Variants in ADAMTS3 observed in about 807,000 individuals in gnomAD.
The protein encoded by ADAMTS3 is A disintegrin and metalloproteinase with thrombospondin motifs 3.
Under a neutral mutation model 129.0 loss-of-function variants are expected in ADAMTS3, and 73 were observed. That is an observed-to-expected ratio of 0.57 (90% CI 0.47 to 0.69). ADAMTS3 has a LOEUF of 0.69. Ranked by LOEUF, ADAMTS3 falls within the 30% of genes least tolerant of loss-of-function variation. The pLI, the probability that ADAMTS3 is intolerant of heterozygous loss-of-function variation, is 0.00. For synonymous variants in ADAMTS3, 477 were observed against 510.8 expected (o/e 0.93, Z 0.89); for missense variants, 1,457 against 1,514.5 (o/e 0.96, Z 0.63).
intron 3 of ADAMTS3, among the ~76,000 whole-genome samples, chr4:72,522,073 G>T (rs1349902290): frequency 6.6e-6 from 1 of 152,114 alleles, no homozygotes; most frequent in African/African-American, 2.4e-5. Flanking sequence ...AACCTTAATT[G>T]AGTTGGCAGG....
At chr4:72,424,494 C>T (rs543409995) in intron 3 of ADAMTS3, among the ~76,000 whole-genome samples, 43 of 152,200 alleles carry the variant, frequency 2.8e-4, no homozygotes, top group African/African-American at 1.0e-3. Context: ...CCAAATCCTG[C>T]TTCCATTAAG....
intron 5 of ADAMTS3, among the ~76,000 whole-genome samples, chr4:72,329,920 T>G (rs1481341912): frequency 1.3e-5 from 2 of 152,202 alleles, no homozygotes; most frequent in East Asian, 1.9e-4. Context: ...TTGTTTGTTT[T>G]TTGACTGTTC....
At chr4:72,489,922 A>AT (rs1469537056) in intron 3 of ADAMTS3, among the ~76,000 whole-genome samples, 1 of 151,792 alleles carries the variant, frequency 6.6e-6, no homozygotes, top group Non-Finnish European at 1.5e-5. Flanking sequence ...TTTATTTTTA[A>AT]TTTTTTGAGG....
chr4:72,309,358 C>T, intron 15 of ADAMTS3, 39 bp downstream of exon 15: 1 of 1,600,938 alleles, frequency 6.2e-7, no homozygotes, highest in Non-Finnish European at 8.5e-7. Context: ...GTACAAATCA[C>T]AGAGAAGAAT....
At chr4:72,484,760 C>T (rs1719534182) in intron 3 of ADAMTS3, among the ~76,000 whole-genome samples, 1 of 152,082 alleles carries the variant, frequency 6.6e-6, no homozygotes, top group Non-Finnish European at 1.5e-5. Context: ...AGCATATAGC[C>T]TACCTTAAAG....
Position 72,496,669 on chromosome 4 carries a change from C to T in ADAMTS3, c.504+51809G>A, listed in dbSNP as rs1245467373. ...ATACTGTCCCTATTCATTTTAATTC[C>T]ATTGAAATATCTAGGAGGGAAGATA... On this transcript the variant is annotated intron_variant, in intron 3 of 21. Transcript: ENST00000286657. Among the ~76,000 whole-genome samples, 3 of 151,974 alleles carry T rather than the reference C, an allele frequency of 2.0e-5. No homozygotes were observed. The East Asian group carries it at 5.8e-4, about 29-fold the overall frequency.
intron 5 of ADAMTS3, among the ~76,000 whole-genome samples, chr4:72,330,186 T>G (rs553437484): frequency 4.0e-4 from 61 of 152,120 alleles, no homozygotes; most frequent in Non-Finnish European, 7.4e-4. Flanking sequence ...ACCTGGCTAA[T>G]TTTTGTATTT....
At chr4:72,364,859 G>C (rs1720829636) in intron 4 of ADAMTS3, among the ~76,000 whole-genome samples, 1 of 151,608 alleles carries the variant, frequency 6.6e-6, no homozygotes, top group Non-Finnish European at 1.5e-5. Flanking sequence ...AAAGTGCTGG[G>C]ATAACAGGTG....
At chr4:72,557,844 A>T (rs775934180) in intron 2 of ADAMTS3, among the ~76,000 whole-genome samples, 1 of 151,810 alleles carries the variant, frequency 6.6e-6, no homozygotes, top group Non-Finnish European at 1.5e-5. Flanking sequence ...TCAATAACAA[A>T]ATAAGTAAAA....
At chr4:72,404,720 T>G (rs376533992) in intron 4 of ADAMTS3, among the ~76,000 whole-genome samples, 1 of 151,816 alleles carries the variant, frequency 6.6e-6, no homozygotes. Flanking sequence ...AGGAAACCTA[T>G]AGAATGGGAG....
intron 3 of ADAMTS3, among the ~76,000 whole-genome samples, chr4:72,528,301 C>A (rs1351998726): frequency 6.6e-6 from 1 of 151,424 alleles, no homozygotes; most frequent in Non-Finnish European, 1.5e-5. Flanking sequence ...TATATATCTA[C>A]TATTAGGTTG....
intron 3 of ADAMTS3, among the ~76,000 whole-genome samples, chr4:72,445,663 G>A (rs541089522): frequency 5.8e-4 from 88 of 151,794 alleles, no homozygotes; most frequent in African/African-American, 1.9e-3. Flanking sequence ...ATAGGGTGGA[G>A]GAGCTTCACT....
intron 5 of ADAMTS3, among the ~76,000 whole-genome samples, chr4:72,326,831 G>T (rs2109815867): frequency 6.6e-6 from 1 of 152,196 alleles, no homozygotes; most frequent in African/African-American, 2.4e-5. Context: ...CAATCTCAAT[G>T]AAACATCTAG....
chr4:72,290,813 A>C lies in ADAMTS3; in HGVS notation c.2931+42T>G, dbSNP rs770073772. ...AATTAAAATATCTACACATGCTTAC[A>C]CACACACTTTACTTATGCATGCACG... is the stretch of plus-strand genomic sequence containing the variant. On this transcript the variant is annotated intron_variant, in intron 20 of 21. Coordinates refer to ENST00000286657, the MANE Select transcript of ADAMTS3 (RefSeq NM_014243.3). 8.8e-6 allele frequency: 14 copies of C among 1,584,004 alleles called. No individual in the cohort carries two copies. In the South Asian group the frequency reaches 1.5e-4, roughly 18 times the overall value.
At chr4:72,445,082 C>T (rs140789507) in intron 3 of ADAMTS3, among the ~76,000 whole-genome samples, 113 of 151,498 alleles carry the variant, frequency 7.5e-4, no homozygotes, top group African/African-American at 2.6e-3. Context: ...CTAATGGGCA[C>T]GTGGTTTATT....
chr4:72,296,534 T>A (rs1016227364), intron 18 of ADAMTS3, among the ~76,000 whole-genome samples: 1 of 152,098 alleles, frequency 6.6e-6, no homozygotes, highest in African/African-American at 2.4e-5. Context: ...ATACCTTGCA[T>A]CTAGATTGAT....
At chr4:72,524,682 C>A (rs1362713311) in intron 3 of ADAMTS3, among the ~76,000 whole-genome samples, 4 of 152,138 alleles carry the variant, frequency 2.6e-5, no homozygotes, top group African/African-American at 7.2e-5. Context: ...TAACCAGTAG[C>A]CTCTCTTCAC....
rs139689672 is a variant in ADAMTS3, at chr4:72,339,862, A to G, written c.662-169T>C. Among the ~76,000 whole-genome samples the G allele has an allele frequency of 1.6e-3, 244 of 152,312 alleles. 1 individual carries two copies. Among genetic ancestry groups the G allele is most frequent in the African/African-American group, 5.5e-3 (227 of 41,566 alleles). ...AATACGCATATGCATACGATCAGAC[A>G]GACCTGCTACAAATTGAACATAGAA... On this transcript the variant is annotated intron_variant, in intron 4 of 21. Coordinates refer to ENST00000286657, the MANE Select transcript of ADAMTS3 (RefSeq NM_014243.3).
At chr4:72,532,051 G>T (rs1298939357) in intron 3 of ADAMTS3, among the ~76,000 whole-genome samples, 1 of 113,960 alleles carries the variant, frequency 8.8e-6, no homozygotes, top group African/African-American at 3.3e-5. Context: ...CAGTATTACA[G>T]ACAAAAAAAA....
Sources: gnomAD v4.1 joint callset for allele counts (sites outside exome capture counted in the v4.1 genomes callset) on GRCh38, gnomAD v4.1.1 for gene constraint, MANE v1.5 for transcripts, NCBI Gene and HGNC (gene_info 2026-07-23, HGNC 2026-07-21) for gene names.